TNNI3K: variants seen among roughly 807,000 people sequenced by gnomAD.
TNNI3K encodes the protein serine/threonine-protein kinase TNNI3K.
In TNNI3K, 140 loss-of-function variants were observed where a neutral mutation model predicts 114.5. The ratio of observed to expected loss-of-function variants is 1.22; its 90% CI spans 1.07 to 1.41. The LOEUF (loss-of-function observed/expected upper bound fraction) is 1.41. Among genes scored for constraint, TNNI3K ranks in the 40% most tolerant of loss-of-function variants. The probability of loss-of-function intolerance (pLI) is 0.00; values close to 1 mark genes in which losing one functional copy is unlikely to be tolerated. For missense variants in TNNI3K, 1,125 were observed against 1,007.6 expected (o/e 1.12, Z -1.58); for synonymous variants, 347 against 347.5 (o/e 1.00, Z 0.02).
chr1:74,464,950 T>C (rs1667604820), intron 21 of TNNI3K: 3 of 1,225,570 alleles, frequency 2.4e-6, no homozygotes, highest in Non-Finnish European at 3.1e-6. Flanking sequence ...CTTCAATCTC[T>C]GCATCTGAAT....
intron 20 of TNNI3K, among the ~76,000 whole-genome samples, chr1:74,442,062 T>A (rs1666396989): frequency 6.6e-6 from 1 of 152,074 alleles, no homozygotes; most frequent in Non-Finnish European, 1.5e-5. Flanking sequence ...CTATTTTTTT[T>A]ATAGAAGTCT....
chr1:74,433,477 A>G (rs934057922), intron 17 of TNNI3K, among the ~76,000 whole-genome samples: 4 of 152,134 alleles, frequency 2.6e-5, no homozygotes, highest in African/African-American at 4.8e-5. Flanking sequence ...AGTTTTCATT[A>G]TTACTGAGTG....
chr1:74,402,209 G>A (rs1047447202), intron 17 of TNNI3K, among the ~76,000 whole-genome samples: 6 of 152,106 alleles, frequency 3.9e-5, no homozygotes, highest in Non-Finnish European at 7.4e-5. Flanking sequence ...TGAAAAGGAT[G>A]GAATGGGGCG....
intron 20 of TNNI3K, among the ~76,000 whole-genome samples, chr1:74,451,268 C>T (rs1489977152): frequency 6.6e-6 from 1 of 151,966 alleles, no homozygotes; most frequent in African/African-American, 2.4e-5. Context: ...GGAGGGAGAG[C>T]ACCAGGAAAA....
intron 11 of TNNI3K, 32 bp downstream of exon 11, chr1:74,354,161 A>T (rs755345480): frequency 8.1e-6 from 13 of 1,612,940 alleles, no homozygotes; most frequent in Middle Eastern, 1.6e-4. Context: ...CTCTATAGTG[A>T]TACATTGAAC....
chr1:74,495,827 C>T (rs924763791), intron 23 of TNNI3K, among the ~76,000 whole-genome samples: 1 of 152,144 alleles, frequency 6.6e-6, no homozygotes, highest in African/African-American at 2.4e-5. Flanking sequence ...TCCAGTTTCT[C>T]CTGGAAGTCA....
intron 4 of TNNI3K, among the ~76,000 whole-genome samples, chr1:74,271,146 T>C (rs1332911373): frequency 6.6e-6 from 1 of 151,896 alleles, no homozygotes; most frequent in African/African-American, 2.4e-5. Flanking sequence ...GCATGTACTT[T>C]GTTCAGTACT....
rs1318362163 is a variant in TNNI3K at position 74,439,526 on chromosome 1, T to A, written c.1915T>A (p.Cys639Ser). 1.2e-6 allele frequency: 2 copies of A among 1,613,434 alleles called. No individual in the cohort carries two copies. Among genetic ancestry groups the A allele is most frequent in the Non-Finnish European group, 1.7e-6 (2 of 1,179,622 alleles). The part of the protein sequence containing the change: ...RWMAPEVFTQ[C>S]TRYTIKADVF... ...GATGGCTCCTGAGGTGTTCACGCAG[T>A]GCACTCGGTACACCATCAAAGCAGA... Residue 639 changes from cysteine to serine, a missense_variant, in exon 20 of 25, where the codon TGC becomes AGC. Coordinates refer to ENST00000326637, the MANE Select transcript of TNNI3K (RefSeq NM_015978.3).
Position 74,441,953 on chromosome 1 carries a change from T to C in TNNI3K, c.2011+2331T>C, listed in dbSNP as rs933127992. Among the ~76,000 whole-genome samples, 10 of 152,114 alleles carry C rather than the reference T, an allele frequency of 6.6e-5. No individual in the cohort carries two copies. In the South Asian group the frequency reaches 2.1e-3, roughly 31 times the overall value. ...AGCAATGTCTTTCAAAGAGCAGATG[T>C]TTTTAATGTCAATGAAATCCATCTT... On this transcript the variant is annotated intron_variant, in intron 20 of 24. Transcript: ENST00000326637.
intron 7 of TNNI3K, chr1:74,341,462 C>G (rs1660740320): frequency 6.6e-6 from 1 of 152,082 alleles, no homozygotes; most frequent in Non-Finnish European, 1.5e-5. Context: ...GATAAGACAT[C>G]CATACCTCCA....
chr1:74,540,156 A>G lies in TNNI3K; in HGVS notation c.2352-78A>G, dbSNP rs1439539980. On this transcript the variant is annotated intron_variant, in intron 23 of 24. Transcript: ENST00000326637. ...TGCCATTTCTCTGGGATCTATGTTG[A>G]GTGGAAAAATTCTGTGTTTATAAAA... 1.3e-6 allele frequency: 2 copies of G among 1,486,782 alleles called. 1 individual carries two copies. The highest frequency in any genetic ancestry group is 2.8e-5 in the African/African-American group (2 of 71,260). 92.1% of individuals were successfully genotyped at this position (1,486,782 alleles called of 1,614,324 possible). A position where few individuals can be genotyped will look rare whatever the true frequency, so the allele number is the denominator to read the frequency against.
At chr1:74,258,848 T>C (rs9919233) in intron 4 of TNNI3K, among the ~76,000 whole-genome samples, 4,450 of 152,292 alleles carry the variant, frequency 0.029, 202 homozygotes, top group African/African-American at 0.1. Flanking sequence ...AATGAATATT[T>C]CCCTTTCTAC....
At chr1:74,331,330 G>A in intron 5 of TNNI3K, 120 bp from the exon 6 acceptor site, 2 of 957,888 alleles carry the variant, frequency 2.1e-6, no homozygotes, top group Non-Finnish European at 3.0e-6. Flanking sequence ...GTGGATGGAA[G>A]AAAGTTGTGT....
At chr1:74,456,916 G>A (rs994076291) in intron 20 of TNNI3K, among the ~76,000 whole-genome samples, 14 of 152,108 alleles carry the variant, frequency 9.2e-5, no homozygotes, top group African/African-American at 3.4e-4. Flanking sequence ...ATGAATTAAA[G>A]TACATTTAAA....
intron 17 of TNNI3K, among the ~76,000 whole-genome samples, chr1:74,402,290 T>C (rs1664404854): frequency 6.6e-6 from 1 of 152,182 alleles, no homozygotes; most frequent in Admixed American, 6.6e-5. Context: ...TATACTGCTC[T>C]TCTTTTACAA....
rs1042765584 is a variant in TNNI3K at position 74,513,218 on chromosome 1, G to A, written c.2351+20952G>A. On this transcript the variant is annotated intron_variant, in intron 23 of 24. Transcript: ENST00000326637. Reference sequence around the variant, plus strand: ...GTCCGAATGACCCAGAGGTCCACGTGTGCTTTCCTAGTTCGTTTATTCAGC... The same window carrying A: ...GTCCGAATGACCCAGAGGTCCACGTATGCTTTCCTAGTTCGTTTATTCAGC... Among the ~76,000 whole-genome samples, 7 of 152,272 alleles carry A rather than the reference G, an allele frequency of 4.6e-5. No individual in the cohort carries two copies. The South Asian group carries it at 6.2e-4, about 14-fold the overall frequency.
At chr1:74,445,767 C>A (rs945099060) in intron 20 of TNNI3K, among the ~76,000 whole-genome samples, 2 of 151,742 alleles carry the variant, frequency 1.3e-5, no homozygotes, top group East Asian at 3.9e-4. Context: ...CCCGCCACTA[C>A]GCCTGGCTAA....
intron 5 of TNNI3K, among the ~76,000 whole-genome samples, chr1:74,275,178 G>A (rs966109555): frequency 6.6e-6 from 1 of 151,984 alleles, no homozygotes; most frequent in Non-Finnish European, 1.5e-5. Context: ...ACCCGAGACT[G>A]GGCAATTTAC....
chr1:74,498,166 G>C (rs1200981345), intron 23 of TNNI3K, among the ~76,000 whole-genome samples: 1 of 152,156 alleles, frequency 6.6e-6, no homozygotes, highest in Non-Finnish European at 1.5e-5. Flanking sequence ...AGACAAACTA[G>C]AAGTTCCACT....
Sources: allele counts gnomAD v4.1 joint callset (sites outside exome capture counted in the v4.1 genomes callset), GRCh38; gene constraint gnomAD v4.1.1; transcripts MANE v1.5; gene names NCBI Gene and HGNC (gene_info 2026-07-23, HGNC 2026-07-21).